The following PLEKHG3 variants were observed in gnomAD, a reference collection of about 807,000 sequenced individuals.
The protein encoded by PLEKHG3 is pleckstrin homology domain-containing family G member 3.
PLEKHG3 carries 62 observed loss-of-function variants against 94.9 expected under a neutral mutation model. The ratio of observed to expected loss-of-function variants is 0.65; its 90% CI spans 0.53 to 0.81. The LOEUF is 0.81. Among genes scored for constraint, PLEKHG3 ranks in the 30% least tolerant of loss-of-function variants. The probability of loss-of-function intolerance (pLI) is 0.00; values close to 1 mark genes in which losing one functional copy is unlikely to be tolerated. For synonymous variants in PLEKHG3, 614 were observed against 654.0 expected (o/e 0.94, Z 0.93); for missense variants, 1,461 against 1,619.3 (o/e 0.90, Z 1.68).
Position 64,750,134 on chromosome 14 carries a change from C to T in PLEKHG3, c.*6431C>T. 1 of 1,614,052 alleles carries T rather than the reference C, an allele frequency of 6.2e-7. No homozygotes were observed. Reference sequence around the variant, plus strand: ...GGTTAGCTCACTGTTCCTGAGCACACAGTACAGGTTGTTCCAGGACCTGCA... The same window carrying T: ...GGTTAGCTCACTGTTCCTGAGCACATAGTACAGGTTGTTCCAGGACCTGCA... On this transcript the variant is annotated 3_prime_UTR_variant, in exon 17 of 17. Transcript: ENST00000247226.
chr14:64,716,551 A>AC lies in PLEKHG3; in HGVS notation c.-39-11042_-39-11041insC, dbSNP rs1262175918. Among the ~76,000 whole-genome samples, 56 of 146,676 alleles carry AC rather than the reference A, an allele frequency of 3.8e-4. No individual in the cohort carries two copies. Among genetic ancestry groups the AC allele is most frequent in the Admixed American group, 1.8e-3 (26 of 14,580 alleles). Reference sequence around the variant, plus strand: ...CACACACACACACACACACACACACAAAGCAGAGTTAATCTCCCACTTCTT... The same window carrying AC: ...CACACACACACACACACACACACACACAAGCAGAGTTAATCTCCCACTTCTT... On this transcript the variant is annotated intron_variant, in intron 1 of 16. Coordinates refer to ENST00000247226, the MANE Select transcript of PLEKHG3 (RefSeq NM_001308147.2). The surrounding 1 kb of genome is among the most constrained non-coding windows in gnomAD (Gnocchi z 5.0).
At chr14:64,737,910 A>G (rs10135575) in intron 14 of PLEKHG3, 3 of 1,213,736 alleles carry the variant, frequency 2.5e-6, no homozygotes, top group East Asian at 1.1e-4. Context: ...GCCCTCCCGT[A>G]CTCGGGGCCT....
rs1193435657 is a variant in PLEKHG3, at chr14:64,746,355, G to T, written c.*2652G>T. 6.6e-6 allele frequency: 1 copy of T among 152,584 alleles called. No individual in the cohort carries two copies. The highest frequency in any genetic ancestry group is 1.5e-5 in the Non-Finnish European group (1 of 68,054). The allele number at this position is 152,584 out of a possible 1,614,324, so 9.5% of individuals were successfully genotyped here. A position where few individuals can be genotyped will look rare whatever the true frequency, so the allele number is the denominator to read the frequency against. ...GGTTGGTGGAAGCACGGTTGAGCAG[G>T]TGGAGGACAGGACCCAGCTGGCCCC... is the stretch of plus-strand genomic sequence containing the variant. On this transcript the variant is annotated 3_prime_UTR_variant, in exon 17 of 17. Coordinates refer to ENST00000247226, the MANE Select transcript of PLEKHG3 (RefSeq NM_001308147.2). This position sits in a 1 kb window ranked among gnomAD's most constrained non-coding sequence, Gnocchi z 4.9.
rs3063751 is a variant in PLEKHG3, at chr14:64,717,112, C to CGTGTGTGTGTGTGTGTGT, written c.-39-10461_-39-10444dup. ...GGCTGGCCGCCTTTGGGAATTTACACGTGTGTGTGTGTGTGTGTGTGTGTG... is the reference window on the plus strand; with the variant it reads ...GGCTGGCCGCCTTTGGGAATTTACACGTGTGTGTGTGTGTGTGTGTGTGTGTGTGTGTGTGTGTGTGTG... On this transcript the variant is annotated intron_variant, in intron 1 of 16. Transcript: ENST00000247226. This position sits in a 1 kb window ranked among gnomAD's most constrained non-coding sequence, Gnocchi z 4.7. Among the ~76,000 whole-genome samples, 9 of 144,270 alleles carry CGTGTGTGTGTGTGTGTGT rather than the reference C, an allele frequency of 6.2e-5. No homozygotes were observed. Among genetic ancestry groups the CGTGTGTGTGTGTGTGTGT allele is most frequent in the African/African-American group, 1.8e-4 (7 of 38,616 alleles). The allele number at this position is 144,270 out of a possible 152,430, so 94.6% of individuals were successfully genotyped here. A position where few individuals can be genotyped will look rare whatever the true frequency, so the allele number is the denominator to read the frequency against.
chr14:64,722,434 C>T lies in PLEKHG3; in HGVS notation c.-39-5159C>T, dbSNP rs2081277698. 6.6e-6 allele frequency among the ~76,000 whole-genome samples: 1 copy of T among 152,132 alleles called. No individual in the cohort carries two copies. The highest frequency in any genetic ancestry group is 2.4e-5 in the African/African-American group (1 of 41,438). On this transcript the variant is annotated intron_variant, in intron 1 of 16. Coordinates refer to ENST00000247226, the MANE Select transcript of PLEKHG3 (RefSeq NM_001308147.2). The surrounding 1 kb of genome is among the most constrained non-coding windows in gnomAD (Gnocchi z 4.3). ...ATATTGGTCAGGCTGGTCTCAAACT[C>T]CTCTCAAACTCCTGACCAAAGGTGA...
At position 64,749,489 on chromosome 14, in the gene PLEKHG3, TCACGGTGGAGTCTGGAGGCC is replaced by T. The variant is rs1479771960; in HGVS notation, c.*5790_*5809del. The T allele has an allele frequency of 3.1e-6, 5 of 1,598,372 alleles. No individual in the cohort carries two copies. Among genetic ancestry groups the T allele is most frequent in the Admixed American group, 1.7e-5 (1 of 59,820 alleles). On this transcript the variant is annotated 3_prime_UTR_variant, in exon 17 of 17. Coordinates refer to ENST00000247226, the MANE Select transcript of PLEKHG3 (RefSeq NM_001308147.2). This position sits in a 1 kb window ranked among gnomAD's most constrained non-coding sequence, Gnocchi z 4.7. ...GCATCTCCTCCTGCGGGGCGGAGGG[TCACGGTGGAGTCTGGAGGCC>T]CACAGCCCCCCACCTCCCGGGCCAG...
Position 64,749,189 on chromosome 14 carries a change from C to G in PLEKHG3, c.*5486C>G. The G allele has an allele frequency of 5.4e-6, 7 of 1,300,080 alleles. No homozygotes were observed. Among genetic ancestry groups the G allele is most frequent in the Non-Finnish European group, 7.4e-6 (7 of 949,964 alleles). The allele number at this position is 1,300,080 out of a possible 1,614,324, so 80.5% of individuals were successfully genotyped here. On this transcript the variant is annotated 3_prime_UTR_variant, in exon 17 of 17. Transcript: ENST00000247226. This position sits in a 1 kb window ranked among gnomAD's most constrained non-coding sequence, Gnocchi z 4.7. ...CAGTGCAGCGTGGGGCCCGGGGGCCCGGCCCGCGACTCGACTCATCTCGAT... is the reference window on the plus strand; with the variant it reads ...CAGTGCAGCGTGGGGCCCGGGGGCCGGGCCCGCGACTCGACTCATCTCGAT...
intron 16 of PLEKHG3, 71 bp downstream of exon 16, chr14:64,742,526 C>T (rs1458646482): frequency 3.4e-6 from 4 of 1,185,356 alleles, no homozygotes; most frequent in East Asian, 2.6e-5. Flanking sequence ...AGCCACTTGG[C>T]TCCTCGGGGA....
In PLEKHG3 at chr14:64,727,686, C is replaced by T; in HGVS notation, c.55C>T (p.Leu19=). 11 of 1,612,598 alleles carry T rather than the reference C, an allele frequency of 6.8e-6. No homozygotes were observed. Among genetic ancestry groups the T allele is most frequent in the Non-Finnish European group, 8.5e-6 (10 of 1,179,786 alleles). ...TGGCAGCCAGGAGCGGCCGGTGAGCCTGACCTCTACCACCTCCTCGTCGGG... is the reference window on the plus strand; with the variant it reads ...TGGCAGCCAGGAGCGGCCGGTGAGCTTGACCTCTACCACCTCCTCGTCGGG... ...QDGSQERPVS[L]TSTTSSSGSS... Residue 19 remains leucine (L), a synonymous_variant, in exon 2 of 17, where the codon CTG becomes TTG. Transcript: ENST00000247226. This position sits in a 1 kb window ranked among gnomAD's most constrained non-coding sequence, Gnocchi z 6.0.
At chr14:64,710,205 ACT>A (rs1385130622) in intron 1 of PLEKHG3, among the ~76,000 whole-genome samples, 1 of 151,778 alleles carries the variant, frequency 6.6e-6, no homozygotes, top group Non-Finnish European at 1.5e-5. Context: ...CCTACCCTAA[ACT>A]CTTATTTGGA....
In PLEKHG3 at chr14:64,749,872, T is replaced by C; in HGVS notation, c.*6169T>C. 1 of 1,536,730 alleles carries C rather than the reference T, an allele frequency of 6.5e-7. No homozygotes were observed. The highest frequency in any genetic ancestry group is 9.0e-7 in the Non-Finnish European group (1 of 1,112,568). On this transcript the variant is annotated 3_prime_UTR_variant, in exon 17 of 17. Transcript: ENST00000247226. The surrounding 1 kb of genome is among the most constrained non-coding windows in gnomAD (Gnocchi z 4.7). ...CAGCCTCTTTGATTTGAAAAACCCCTGAGGAGCAGCTCAGGCCTGGCACTG... is the reference window on the plus strand; with the variant it reads ...CAGCCTCTTTGATTTGAAAAACCCCCGAGGAGCAGCTCAGGCCTGGCACTG...
chr14:64,710,143 G>A lies in PLEKHG3; in HGVS notation c.-40+5439G>A, dbSNP rs113282365. 5.0e-3 allele frequency among the ~76,000 whole-genome samples: 764 copies of A among 152,268 alleles called. 2 individuals carry two copies. Among genetic ancestry groups the A allele is most frequent in the Non-Finnish European group, 8.2e-3 (556 of 68,022 alleles). On this transcript the variant is annotated intron_variant, in intron 1 of 16. Transcript: ENST00000247226. ...GTGGACAGCAGGGTGTATTTATAGC[G>A]TTGGATATAGTTCTTCCCATAATGT... is the stretch of plus-strand genomic sequence containing the variant.
In PLEKHG3 at chr14:64,721,674, C is replaced by T. The variant is rs142526418; in HGVS notation, c.-39-5919C>T. 4.5e-3 allele frequency among the ~76,000 whole-genome samples: 688 copies of T among 152,214 alleles called. 8 individuals carry two copies. The highest frequency in any genetic ancestry group is 0.016 in the African/African-American group (661 of 41,558). ...TCACTCCCCGGGGAGCCTTCTCTCG[C>T]GCTTTATTACGGTGCTCAGGGCTGC... On this transcript the variant is annotated intron_variant, in intron 1 of 16. Coordinates refer to ENST00000247226, the MANE Select transcript of PLEKHG3 (RefSeq NM_001308147.2). The surrounding 1 kb of genome is among the most constrained non-coding windows in gnomAD (Gnocchi z 4.3).
Position 64,728,036 on chromosome 14 carries a change from T to G in PLEKHG3, c.351+54T>G. 1 of 1,170,014 alleles carries G rather than the reference T, an allele frequency of 8.5e-7. No individual in the cohort carries two copies. The highest frequency in any genetic ancestry group is 1.2e-6 in the Non-Finnish European group (1 of 847,380). The allele number at this position is 1,170,014 out of a possible 1,614,324, so 72.5% of individuals were successfully genotyped here. On this transcript the variant is annotated intron_variant, in intron 2 of 16. Transcript: ENST00000247226. The surrounding 1 kb of genome is among the most constrained non-coding windows in gnomAD (Gnocchi z 5.9). Reference sequence around the variant, plus strand: ...ATTCTAGCAGAAGCCTGTTTCACCCTGGGAGGGAAGCTCTCAAAAGACCTG... The same window carrying G: ...ATTCTAGCAGAAGCCTGTTTCACCCGGGGAGGGAAGCTCTCAAAAGACCTG...
Position 64,725,743 on chromosome 14 carries a change from T to C in PLEKHG3, c.-39-1850T>C, listed in dbSNP as rs1056736550. Among the ~76,000 whole-genome samples the C allele has an allele frequency of 3.0e-4, 45 of 152,138 alleles. No individual in the cohort carries two copies. Among genetic ancestry groups the C allele is most frequent in the Admixed American group, 1.9e-3 (29 of 15,276 alleles). ...GCAAGTTGAGAGGCTCATACAGAGCTCCTTGGAGGTGACCCCCTCCAGTGA... is the reference window on the plus strand; with the variant it reads ...GCAAGTTGAGAGGCTCATACAGAGCCCCTTGGAGGTGACCCCCTCCAGTGA... On this transcript the variant is annotated intron_variant, in intron 1 of 16. Coordinates refer to ENST00000247226, the MANE Select transcript of PLEKHG3 (RefSeq NM_001308147.2). The surrounding 1 kb of genome is among the most constrained non-coding windows in gnomAD (Gnocchi z 5.0).
At chr14:64,729,589 C>T (rs969918455) in intron 3 of PLEKHG3, among the ~76,000 whole-genome samples, 1 of 152,170 alleles carries the variant, frequency 6.6e-6, no homozygotes, top group Non-Finnish European at 1.5e-5. Flanking sequence ...GGTCTCCTGC[C>T]TGGGACCACA....
chr14:64,715,016 G>T lies in PLEKHG3; in HGVS notation c.-40+10312G>T, dbSNP rs1341412216. 2.0e-5 allele frequency among the ~76,000 whole-genome samples: 3 copies of T among 152,174 alleles called. No individual in the cohort carries two copies. The highest frequency in any genetic ancestry group is 4.4e-5 in the Non-Finnish European group (3 of 68,028). On this transcript the variant is annotated intron_variant, in intron 1 of 16. Transcript: ENST00000247226. The surrounding 1 kb of genome is among the most constrained non-coding windows in gnomAD (Gnocchi z 4.4). The stretch of plus-strand genomic sequence containing the variant: ...GCTTGGGATACTTGCTACTCACTGA[G>T]ACCCCGTGCAGGTTGGTACCCCCAC...
rs939852403 is a variant in PLEKHG3, at chr14:64,749,428, C to T, written c.*5725C>T. The stretch of plus-strand genomic sequence containing the variant: ...GCCTTGACGCGGATGCTCTGGGACT[C>T]GTTGATGGCGGTGCTCACGCCCTGC... On this transcript the variant is annotated 3_prime_UTR_variant, in exon 17 of 17. Transcript: ENST00000247226. This position sits in a 1 kb window ranked among gnomAD's most constrained non-coding sequence, Gnocchi z 4.7. 1.1e-5 allele frequency: 17 copies of T among 1,604,888 alleles called. No homozygotes were observed. The Middle Eastern group carries it at 6.6e-4, about 63-fold the overall frequency.
rs111755307 is a variant in PLEKHG3, at chr14:64,743,234, G to A, written c.3191G>A (p.Arg1064His). ...CSKYASRDEA[R>H]RAGGGRPRGP... Reference sequence around the variant, plus strand: ...AAGTATGCCTCCCGCGATGAGGCACGCCGAGCAGGGGGCGGCCGGCCCCGC... The same window carrying A: ...AAGTATGCCTCCCGCGATGAGGCACACCGAGCAGGGGGCGGCCGGCCCCGC... Residue 1064 changes from arginine to histidine, a missense_variant, in exon 17 of 17, where the codon CGC (arginine) becomes CAC (histidine). This residue lies in a region of PLEKHG3 where 1,201 missense variants were observed against 1,295.5 expected (regional missense o/e 0.93). Coordinates refer to ENST00000247226, the MANE Select transcript of PLEKHG3 (RefSeq NM_001308147.2). This position sits in a 1 kb window ranked among gnomAD's most constrained non-coding sequence, Gnocchi z 7.2. 8.7e-6 allele frequency: 14 copies of A among 1,607,824 alleles called. No individual in the cohort carries two copies. The highest frequency in any genetic ancestry group is 5.5e-5 in the South Asian group (5 of 90,888).
Sources: allele counts gnomAD v4.1 joint callset (sites outside exome capture counted in the v4.1 genomes callset), GRCh38; gene constraint gnomAD v4.1.1; regional missense constraint gnomAD v4.1.1; non-coding constraint Gnocchi (gnomAD v3.1); transcripts MANE v1.5; gene names NCBI Gene and HGNC (gene_info 2026-07-23, HGNC 2026-07-21).